KIF15: variants seen among roughly 807,000 people sequenced by gnomAD.
The protein encoded by KIF15 is kinesin family member 15.
KIF15 carries 140 observed loss-of-function variants against 190.6 expected under a neutral mutation model. That is an observed-to-expected ratio of 0.73 (90% CI 0.64 to 0.84). KIF15 has a LOEUF of 0.84. KIF15 is among the 40% of genes least tolerant of loss of function. The probability of loss-of-function intolerance (pLI) is 0.00; values close to 1 mark genes in which losing one functional copy is unlikely to be tolerated. For synonymous variants in KIF15, 528 were observed against 551.3 expected (o/e 0.96, Z 0.59); for missense variants, 1,372 against 1,584.4 (o/e 0.87, Z 2.28).
Position 44,761,813 on chromosome 3 carries a change from G to A in KIF15, c.-53G>A. ...GAATTCAGTCGCGCGCGGTGCAGTC[G>A]GGAGGTGGAGGCACCGGCTGCATTG... is the stretch of plus-strand genomic sequence containing the variant. On this transcript the variant is annotated 5_prime_UTR_variant, in exon 1 of 35. Transcript: ENST00000326047. The A allele has an allele frequency of 6.2e-7, 1 of 1,613,620 alleles. No homozygotes were observed. The highest frequency in any genetic ancestry group is 1.1e-5 in the South Asian group (1 of 91,060).
chr3:44,795,991 A>G (rs946929025), intron 8 of KIF15, among the ~76,000 whole-genome samples: 1 of 151,942 alleles, frequency 6.6e-6, no homozygotes, highest in African/African-American at 2.4e-5. Context: ...CCTCCCAAGT[A>G]GCTGAGATTA....
chr3:44,856,088 G>A (rs1168686640), downstream of KIF15, among the ~76,000 whole-genome samples: 1 of 152,148 alleles, frequency 6.6e-6, no homozygotes, highest in Non-Finnish European at 1.5e-5. Flanking sequence ...TCCGTTATCG[G>A]ACTGTATAGA....
At chr3:44,845,386 G>A (rs962157899) in intron 30 of KIF15, among the ~76,000 whole-genome samples, 1 of 152,072 alleles carries the variant, frequency 6.6e-6, no homozygotes, top group Non-Finnish European at 1.5e-5. Flanking sequence ...AATGGATTTA[G>A]TACTTAAATG....
Position 44,801,843 on chromosome 3 carries a change from G to T in KIF15, c.1378G>T (p.Val460Leu), listed in dbSNP as rs1333434262. ...ATTTATTCAATCTAATAAAATGATT[G>T]TGAAATTCCGAGAGGATCAAATAAT... ...EKFIQSNKMIVKFREDQIIRL... is the reference protein window; with the variant it reads ...EKFIQSNKMILKFREDQIIRL... The change falls in exon 13 of 35, where the codon GTG becomes TTG. Residue 460 changes from valine to leucine, a missense_variant. Transcript: ENST00000326047. 1 of 1,611,620 alleles carries T rather than the reference G, an allele frequency of 6.2e-7. No homozygotes were observed. Among genetic ancestry groups the T allele is most frequent in the Admixed American group, 1.7e-5 (1 of 59,972 alleles).
chr3:44,839,800 T>C (rs776301236), intron 27 of KIF15, among the ~76,000 whole-genome samples: 4 of 152,182 alleles, frequency 2.6e-5, no homozygotes, highest in Non-Finnish European at 5.9e-5. Context: ...GCTGGCTTAT[T>C]TTACTTGGAA....
chr3:44,768,582 G>A (rs759127725), intron 1 of KIF15, among the ~76,000 whole-genome samples: 5 of 152,080 alleles, frequency 3.3e-5, no homozygotes, highest in Admixed American at 6.5e-5. Context: ...TCCTTACTGC[G>A]CATGTGTTAA....
chr3:44,790,797 A>C (rs1235712931), intron 7 of KIF15, among the ~76,000 whole-genome samples: 1 of 142,372 alleles, frequency 7.0e-6, no homozygotes, highest in Non-Finnish European at 1.5e-5. Flanking sequence ...GGTTCAAGCT[A>C]TTCTCCTGCC....
At chr3:44,790,518 GT>G (rs2125922424) in intron 7 of KIF15, among the ~76,000 whole-genome samples, 1 of 152,174 alleles carries the variant, frequency 6.6e-6, no homozygotes, top group South Asian at 2.1e-4. Context: ...ATATATACAA[GT>G]GTAGAATTAG....
At position 44,807,513 on chromosome 3, in the gene KIF15, C is replaced by T. The variant is rs1257153467; in HGVS notation, c.1971+1527C>T. 4.6e-5 allele frequency among the ~76,000 whole-genome samples: 7 copies of T among 152,138 alleles called. No individual in the cohort carries two copies. The East Asian group carries it at 7.7e-4, about 17-fold the overall frequency. ...TGCTGGGATTATAGGTGTGAGCCAC[C>T]GCGCCCAGCCTGTGACTGAAATTTT... On this transcript the variant is annotated intron_variant, in intron 16 of 34. Transcript: ENST00000326047.
intron 13 of KIF15, among the ~76,000 whole-genome samples, 174 bp from the exon 14 acceptor site, chr3:44,802,640 A>G (rs1213233778): frequency 2.0e-5 from 3 of 152,220 alleles, no homozygotes; most frequent in African/African-American, 4.8e-5. Context: ...GAGTTACAGG[A>G]CATGCATATT....
intron 25 of KIF15, 146 bp from the exon 26 acceptor site, chr3:44,830,750 T>C: frequency 2.6e-6 from 2 of 772,224 alleles, no homozygotes; most frequent in Non-Finnish European, 4.0e-6. Context: ...CATGCACTTA[T>C]TCTTCTATTC....
chr3:44,819,479 T>C (rs1009519665), intron 20 of KIF15, among the ~76,000 whole-genome samples: 2 of 152,372 alleles, frequency 1.3e-5, no homozygotes, highest in African/African-American at 4.8e-5. Context: ...AACATCTTTA[T>C]TTCTGCCTTC....
intron 15 of KIF15, 69 bp downstream of exon 15, chr3:44,805,237 C>G (rs984196888): frequency 7.0e-7 from 1 of 1,424,362 alleles, no homozygotes; most frequent in East Asian, 2.3e-5. Flanking sequence ...GTGTTAATAT[C>G]GATAATTCAA....
chr3:44,767,667 G>A (rs1374493004), intron 1 of KIF15, among the ~76,000 whole-genome samples: 1 of 151,326 alleles, frequency 6.6e-6, no homozygotes, highest in South Asian at 2.1e-4. Context: ...AGGCCGAGGC[G>A]GGTGGATCAT....
At chr3:44,825,976 A>C in intron 20 of KIF15, 63 bp from the exon 21 acceptor site, 1 of 1,406,894 alleles carries the variant, frequency 7.1e-7, no homozygotes, top group Non-Finnish European at 9.7e-7. Context: ...ACTGCAGATG[A>C]TCTGATTAAT....
chr3:44,814,961 A>G lies in KIF15; in HGVS notation c.2434A>G (p.Lys812Glu). The change falls in exon 20 of 35, where the codon AAG becomes GAG. Residue 812 changes from lysine (K) to glutamate (E), a missense_variant. Lys to Glu is a moderately conservative substitution (Grantham distance 56). Coordinates refer to ENST00000326047, the MANE Select transcript of KIF15 (RefSeq NM_020242.3). ...GCGAGTAGTCCTTCATTCTGCTGACAAGGAGCTTTCTTCAGTGAAATTGGA... is the reference window on the plus strand; with the variant it reads ...GCGAGTAGTCCTTCATTCTGCTGACGAGGAGCTTTCTTCAGTGAAATTGGA... ...DLRVVLHSAD[K>E]ELSSVKLEYS... 6.2e-7 allele frequency: 1 copy of G among 1,612,802 alleles called. No homozygotes were observed. Among genetic ancestry groups the G allele is most frequent in the South Asian group, 1.1e-5 (1 of 90,666 alleles).
intron 32 of KIF15, among the ~76,000 whole-genome samples, chr3:44,850,848 G>T (rs1166879622): frequency 6.6e-6 from 1 of 152,086 alleles, no homozygotes; most frequent in Admixed American, 6.5e-5. Flanking sequence ...GGCTTTGAGT[G>T]GTGTATTAAA....
chr3:44,835,732 T>C (rs116201444), intron 26 of KIF15, among the ~76,000 whole-genome samples: 2,836 of 152,188 alleles, frequency 0.019, 76 homozygotes, highest in African/African-American at 0.064. Context: ...TAGAGAGCAG[T>C]GAATATGAAG....
intron 7 of KIF15, 38 bp downstream of exon 7, chr3:44,786,612 C>A (rs766443406): frequency 6.5e-7 from 1 of 1,536,578 alleles, no homozygotes. Context: ...GCTTAGGCAA[C>A]AAACCTGCTG....
Sources: gnomAD v4.1 joint callset for allele counts (sites outside exome capture counted in the v4.1 genomes callset) on GRCh38, gnomAD v4.1.1 for gene constraint, MANE v1.5 for transcripts, NCBI Gene and HGNC (gene_info 2026-07-23, HGNC 2026-07-21) for gene names.